The following ATP10A variants were observed in gnomAD, a reference collection of about 807,000 sequenced individuals.
ATP10A encodes phospholipid-transporting ATPase VA.
In ATP10A, 111 loss-of-function variants were observed where a neutral mutation model predicts 147.8. The ratio of observed to expected loss-of-function variants is 0.75; its 90% CI spans 0.64 to 0.88. The LOEUF is 0.88. ATP10A is among the 40% of genes least tolerant of loss of function. The pLI is 0.00. For missense variants in ATP10A, 1,927 were observed against 1,959.0 expected (o/e 0.98, Z 0.31); for synonymous variants, 875 against 841.6 (o/e 1.04, Z -0.69).
intron 7 of ATP10A, among the ~76,000 whole-genome samples, chr15:25,719,886 T>C (rs2140416398): frequency 6.6e-6 from 1 of 152,324 alleles, no homozygotes; most frequent in South Asian, 2.1e-4. Flanking sequence ...TCTGAACTCC[T>C]TTATGAGTGA....
intron 1 of ATP10A, among the ~76,000 whole-genome samples, chr15:25,849,248 T>C (rs972729600): frequency 6.6e-6 from 1 of 152,156 alleles, no homozygotes; most frequent in Non-Finnish European, 1.5e-5. Context: ...GTGTGGACGT[T>C]GGATTGGGTG....
Position 25,718,452 on chromosome 15 carries a change from A to T in ATP10A, c.1364-53T>A, listed in dbSNP as rs8024374. On this transcript the variant is annotated intron_variant, in intron 7 of 20. Transcript: ENST00000555815. ...ATCATGGGGGAAGGCTGGGCGGAGC[A>T]GAAAGAAACCATTCAGTGTGTTTTA... 6 of 1,522,006 alleles carry T rather than the reference A, an allele frequency of 3.9e-6. No homozygotes were observed. Among genetic ancestry groups the T allele is most frequent in the South Asian group, 1.2e-5 (1 of 83,936 alleles). The allele number at this position is 1,522,006 out of a possible 1,614,324, so 94.3% of individuals were successfully genotyped here.
intron 13 of ATP10A, among the ~76,000 whole-genome samples, chr15:25,700,948 G>C (rs1207854319): frequency 6.6e-6 from 1 of 151,766 alleles, no homozygotes; most frequent in Non-Finnish European, 1.5e-5. Flanking sequence ...AAAAGGCCCT[G>C]GTGAAGGCAC....
At position 25,713,752 on chromosome 15, in the gene ATP10A, G is replaced by A; in HGVS notation, c.2266C>T (p.Pro756Ser). 5 of 1,614,040 alleles carry A rather than the reference G, an allele frequency of 3.1e-6. No individual in the cohort carries two copies. Among genetic ancestry groups the A allele is most frequent in the Non-Finnish European group, 4.2e-6 (5 of 1,180,000 alleles). Residue 756 changes from proline to serine, a missense_variant, in exon 10 of 21, where the codon CCG becomes TCG. Coordinates refer to ENST00000555815, the MANE Select transcript of ATP10A (RefSeq NM_024490.4). ...TAGACGTTGATCTCATCGGTAAGCG[G>A]GTGCCGGATCACCACTGACATCCTC... ...RKRMSVVIRH[P>S]LTDEINVYTK...
At chr15:25,845,168 C>T (rs1157197373) in intron 1 of ATP10A, among the ~76,000 whole-genome samples, 1 of 152,222 alleles carries the variant, frequency 6.6e-6, no homozygotes, top group Admixed American at 6.5e-5. Flanking sequence ...CGCTGGCAGG[C>T]AGCTTCTCAC....
At chr15:25,725,551 A>T (rs1297388375) in intron 5 of ATP10A, among the ~76,000 whole-genome samples, 1 of 152,016 alleles carries the variant, frequency 6.6e-6, no homozygotes, top group African/African-American at 2.4e-5. Flanking sequence ...GTCAGTGAAA[A>T]ACTGGGGTTT....
intron 1 of ATP10A, among the ~76,000 whole-genome samples, chr15:25,849,121 T>C (rs918821390): frequency 9.2e-5 from 14 of 151,592 alleles, no homozygotes; most frequent in African/African-American, 2.7e-4. Flanking sequence ...TTAGAATCCA[T>C]TAGTTTGAAT....
intron 1 of ATP10A, among the ~76,000 whole-genome samples, chr15:25,835,482 G>A (rs920296738): frequency 2.0e-5 from 3 of 152,164 alleles, no homozygotes; most frequent in Admixed American, 2.0e-4. Flanking sequence ...TGAGGGCAGG[G>A]ACCATAGCTG....
intron 1 of ATP10A, among the ~76,000 whole-genome samples, chr15:25,820,952 C>T (rs1255613742): frequency 6.6e-6 from 1 of 152,094 alleles, no homozygotes; most frequent in Non-Finnish European, 1.5e-5. Flanking sequence ...GTGTCAAAAA[C>T]ACTCTAAACA....
At position 25,840,582 on chromosome 15, in the gene ATP10A, G is replaced by A. The variant is rs565307572; in HGVS notation, c.449+22066C>T. On this transcript the variant is annotated intron_variant, in intron 1 of 20. Coordinates refer to ENST00000555815, the MANE Select transcript of ATP10A (RefSeq NM_024490.4). ...GAGGAACATCTAGGTTATTTCCAGTGTTGGGTTATTATTTAAAAAAAAATG... is the reference window on the plus strand; with the variant it reads ...GAGGAACATCTAGGTTATTTCCAGTATTGGGTTATTATTTAAAAAAAAATG... Among the ~76,000 whole-genome samples the A allele has an allele frequency of 6.6e-5, 10 of 152,126 alleles. No individual in the cohort carries two copies. The South Asian group carries it at 8.4e-4, about 13-fold the overall frequency.
intron 14 of ATP10A, 23 bp from the exon 15 acceptor site, chr15:25,691,814 G>A: frequency 3.7e-6 from 6 of 1,613,650 alleles, no homozygotes; most frequent in Non-Finnish European, 5.1e-6. Flanking sequence ...CAGGCAAGAA[G>A]AATTGTTTGA....
chr15:25,731,290 T>G (rs1902971133), intron 3 of ATP10A, among the ~76,000 whole-genome samples: 1 of 152,212 alleles, frequency 6.6e-6, no homozygotes, highest in African/African-American at 2.4e-5. Flanking sequence ...AAAACTATCC[T>G]ACAAGACAAA....
At chr15:25,827,097 G>A (rs1892149618) in intron 1 of ATP10A, among the ~76,000 whole-genome samples, 1 of 152,160 alleles carries the variant, frequency 6.6e-6, no homozygotes, top group South Asian at 2.1e-4. Flanking sequence ...GGACGTGAAG[G>A]ACAAAATGGA....
In ATP10A at chr15:25,702,116, G is replaced by A; in HGVS notation, c.2576-16C>T. ...CCAGTGGCACCTGGTCAAATGCACA[G>A]CAGTGTGAGCGAACCCGCTTCTCAC... On this transcript the variant is annotated splice_polypyrimidine_tract_variant and intron_variant, in intron 12 of 20. Coordinates refer to ENST00000555815, the MANE Select transcript of ATP10A (RefSeq NM_024490.4). 2 of 1,602,228 alleles carry A rather than the reference G, an allele frequency of 1.2e-6. No homozygotes were observed. The highest frequency in any genetic ancestry group is 1.7e-6 in the Non-Finnish European group (2 of 1,174,152).
At chr15:25,860,322 G>A (rs1039098379) in intron 1 of ATP10A, among the ~76,000 whole-genome samples, 107 of 152,226 alleles carry the variant, frequency 7.0e-4, no homozygotes, top group African/African-American at 2.5e-3. Context: ...GCACTGGGAC[G>A]CCTCGCCAGA....
chr15:25,857,546 T>C (rs1893571377), intron 1 of ATP10A, among the ~76,000 whole-genome samples: 1 of 152,156 alleles, frequency 6.6e-6, no homozygotes, highest in Admixed American at 6.5e-5. Flanking sequence ...CATTTACAGG[T>C]GAAACGTCAT....
At chr15:25,741,686 C>T (rs1157265038) in intron 2 of ATP10A, among the ~76,000 whole-genome samples, 1 of 152,118 alleles carries the variant, frequency 6.6e-6, no homozygotes, top group Non-Finnish European at 1.5e-5. Flanking sequence ...GGCAGATGGC[C>T]CGATCCCAAT....
intron 1 of ATP10A, among the ~76,000 whole-genome samples, chr15:25,858,072 C>T (rs1181703038): frequency 6.6e-6 from 1 of 152,154 alleles, no homozygotes; most frequent in East Asian, 1.9e-4. Flanking sequence ...ACCTCATGAG[C>T]CCAGTAATAT....
upstream of ATP10A, among the ~76,000 whole-genome samples, chr15:25,864,312 T>G (rs889690872): frequency 1.3e-5 from 2 of 152,328 alleles, no homozygotes; most frequent in Middle Eastern, 3.4e-3. Context: ...GTTTCATGGC[T>G]GTGACTGTTT....
Sources: gnomAD v4.1 joint callset for allele counts (sites outside exome capture counted in the v4.1 genomes callset) on GRCh38, gnomAD v4.1.1 for gene constraint, MANE v1.5 for transcripts, NCBI Gene and HGNC (gene_info 2026-07-23, HGNC 2026-07-21) for gene names.